Variants in BTBD9 observed in about 807,000 individuals in gnomAD.
The protein encoded by BTBD9 is BTB domain containing 9.
A neutral mutation model predicts 64.3 loss-of-function variants in BTBD9; 49 were observed. The observed-to-expected ratio is 0.76, with a 90% CI of 0.61 to 0.97. The LOEUF (loss-of-function observed/expected upper bound fraction) is 0.97, where lower values mean the gene tolerates loss of function less well. BTBD9 is among the 50% of genes least tolerant of loss of function. The probability of loss-of-function intolerance (pLI) is 0.00; values close to 1 mark genes in which losing one functional copy is unlikely to be tolerated. For missense variants in BTBD9, 598 were observed against 762.1 expected (o/e 0.78, Z 2.53); for synonymous variants, 260 against 274.7 (o/e 0.95, Z 0.53).
At chr6:38,193,917 T>G (rs1762186178) in intron 9 of BTBD9, 42 of 979,430 alleles carry the variant, frequency 4.3e-5, no homozygotes, top group Middle Eastern at 5.3e-4. Flanking sequence ...TTAAGGTCAT[T>G]AAAAAGTCAT....
intron 6 of BTBD9, among the ~76,000 whole-genome samples, chr6:38,406,668 C>A: frequency 6.6e-6 from 1 of 152,172 alleles, no homozygotes; most frequent in Admixed American, 6.5e-5. Context: ...TAAATTTCTA[C>A]AGGTATCGTG....
intron 7 of BTBD9, among the ~76,000 whole-genome samples, chr6:38,310,188 T>G (rs140738997): frequency 6.9e-4 from 105 of 152,254 alleles, no homozygotes; most frequent in African/African-American, 2.5e-3. Context: ...GTATTGAGAC[T>G]CCTTAATCAA....
intron 1 of BTBD9, among the ~76,000 whole-genome samples, chr6:38,617,414 C>T (rs1035999591): frequency 1.3e-5 from 2 of 152,166 alleles, no homozygotes; most frequent in South Asian, 4.1e-4. Context: ...GCTAGTCCTG[C>T]TTCTCAAAAC....
chr6:38,281,390 A>T (rs1157655107), intron 8 of BTBD9, among the ~76,000 whole-genome samples: 1 of 152,192 alleles, frequency 6.6e-6, no homozygotes, highest in Non-Finnish European at 1.5e-5. Flanking sequence ...GAGAAAGAAA[A>T]ATATACCAGA....
At chr6:38,261,435 T>C (rs190436406) in intron 8 of BTBD9, among the ~76,000 whole-genome samples, 1 of 152,266 alleles carries the variant, frequency 6.6e-6, no homozygotes, top group East Asian at 1.9e-4. Flanking sequence ...GCATAACAAA[T>C]GCCTGTTTCT....
At chr6:38,491,620 G>C (rs1175777962) in intron 6 of BTBD9, among the ~76,000 whole-genome samples, 1 of 151,780 alleles carries the variant, frequency 6.6e-6, no homozygotes, top group African/African-American at 2.4e-5. Context: ...TTTAATCTTA[G>C]CAGTCAAACA....
chr6:38,259,635 G>T (rs968463817), intron 8 of BTBD9, among the ~76,000 whole-genome samples: 1 of 152,176 alleles, frequency 6.6e-6, no homozygotes, highest in African/African-American at 2.4e-5. Context: ...GCCAGGCGGG[G>T]TCAAACTCCT....
At chr6:38,426,621 G>A (rs934797852) in intron 6 of BTBD9, among the ~76,000 whole-genome samples, 6 of 151,850 alleles carry the variant, frequency 4.0e-5, no homozygotes, top group South Asian at 2.1e-4. Flanking sequence ...CCAGCGAGGC[G>A]CCTATTGCCA....
At chr6:38,491,998 C>G (rs2127391984) in intron 6 of BTBD9, among the ~76,000 whole-genome samples, 1 of 152,194 alleles carries the variant, frequency 6.6e-6, no homozygotes, top group Middle Eastern at 3.4e-3. Context: ...TAGCTTTTAC[C>G]CTCAGGCTCA....
intron 9 of BTBD9, among the ~76,000 whole-genome samples, chr6:38,213,936 C>G (rs1011083310): frequency 6.6e-6 from 1 of 151,846 alleles, no homozygotes; most frequent in African/African-American, 2.4e-5. Flanking sequence ...GCGGAGCTTG[C>G]AGTGAGCTGA....
intron 6 of BTBD9, among the ~76,000 whole-genome samples, chr6:38,396,017 A>C (rs1766655311): frequency 6.6e-6 from 1 of 152,170 alleles, no homozygotes; most frequent in African/African-American, 2.4e-5. Flanking sequence ...CCTTGTTTTA[A>C]GTCACTATGT....
At chr6:38,425,844 G>A (rs1317635137) in intron 6 of BTBD9, among the ~76,000 whole-genome samples, 1 of 146,690 alleles carries the variant, frequency 6.8e-6, no homozygotes, top group African/African-American at 2.6e-5. Context: ...TTCAGCCTGG[G>A]AGGTCAAGGC....
chr6:38,303,814 C>T (rs1762498308), intron 7 of BTBD9, among the ~76,000 whole-genome samples: 1 of 128,788 alleles, frequency 7.8e-6, no homozygotes, highest in Admixed American at 8.5e-5. Flanking sequence ...TTCTAAGTTG[C>T]TAATATCTAG....
At chr6:38,208,209 T>C (rs555576364) in intron 9 of BTBD9, among the ~76,000 whole-genome samples, 4 of 152,178 alleles carry the variant, frequency 2.6e-5, no homozygotes, top group Non-Finnish European at 5.9e-5. Flanking sequence ...CCTCTCCAAG[T>C]TGCGTGGCAC....
chr6:38,290,793 C>T (rs1423411745), intron 7 of BTBD9, among the ~76,000 whole-genome samples: 2 of 152,182 alleles, frequency 1.3e-5, no homozygotes, highest in East Asian at 1.9e-4. Flanking sequence ...CACAACCCTG[C>T]TGTGTGCCTG....
chr6:38,205,700 A>G (rs1392249199), intron 9 of BTBD9, among the ~76,000 whole-genome samples: 1 of 151,722 alleles, frequency 6.6e-6, no homozygotes, highest in Non-Finnish European at 1.5e-5. Context: ...CCTGGCCAAC[A>G]TGGCAAAACC....
intron 6 of BTBD9, among the ~76,000 whole-genome samples, chr6:38,494,346 A>T (rs1392279049): frequency 6.6e-6 from 1 of 152,190 alleles, no homozygotes; most frequent in Non-Finnish European, 1.5e-5. Flanking sequence ...TTCAAATCTG[A>T]TTTGTTTTCC....
chr6:38,289,353 A>G (rs1761872139), intron 7 of BTBD9, among the ~76,000 whole-genome samples: 1 of 152,164 alleles, frequency 6.6e-6, no homozygotes, highest in African/African-American at 2.4e-5. Flanking sequence ...CAGCCTTAAT[A>G]ACACGGTGAG....
intron 6 of BTBD9, among the ~76,000 whole-genome samples, chr6:38,361,866 AG>A (rs1764976188): frequency 7.7e-6 from 1 of 129,254 alleles, no homozygotes; most frequent in Non-Finnish European, 1.7e-5. Flanking sequence ...ACAACACCAC[AG>A]GAAAAAAAAA....
Sources: allele counts gnomAD v4.1 joint callset (sites outside exome capture counted in the v4.1 genomes callset), GRCh38; gene constraint gnomAD v4.1.1; transcripts MANE v1.5; gene names NCBI Gene and HGNC (gene_info 2026-07-23, HGNC 2026-07-21).